GNAL: variants seen among roughly 807,000 people sequenced by gnomAD.
The protein encoded by GNAL is G protein subunit alpha L, also known as guanine nucleotide-binding protein G(olf) subunit alpha.
In GNAL, 18 loss-of-function variants were observed where a neutral mutation model predicts 55.1. The observed-to-expected ratio is 0.33, with a 90% CI of 0.23 to 0.48. GNAL has a LOEUF of 0.48. Among genes scored for constraint, GNAL ranks in the 20% least tolerant of loss-of-function variants. GNAL has a pLI of 0.99. For synonymous variants in GNAL, 253 were observed against 237.0 expected (o/e 1.07, Z -0.62); for missense variants, 412 against 614.1 (o/e 0.67, Z 3.48).
rs561456911 is a variant in GNAL, at chr18:11,715,322, G to A, written c.376+25383G>A. ...AAAAAATACAAAAAATTAGCCAGGC[G>A]TGGTGGTGGGCACCTGTAGTCCCAG... On this transcript the variant is annotated intron_variant, in intron 1 of 11. Coordinates refer to ENST00000334049, the MANE Select transcript of GNAL (RefSeq NM_182978.4). Among the ~76,000 whole-genome samples the A allele has an allele frequency of 8.6e-5, 13 of 151,602 alleles. No homozygotes were observed. The South Asian group carries it at 2.3e-3, about 27-fold the overall frequency.
rs554161591 is a variant in GNAL, at chr18:11,865,895, GTC to G, written c.852-1271_852-1270del. On this transcript the variant is annotated intron_variant, in intron 7 of 11. Coordinates refer to ENST00000334049, the MANE Select transcript of GNAL (RefSeq NM_182978.4). The stretch of plus-strand genomic sequence containing the variant: ...TACCTTGCCCAGTCACCCTCAGCAT[GTC>G]TGACTCGACTCTAAGGGACCTCAAG... 1.2e-3 allele frequency among the ~76,000 whole-genome samples: 184 copies of G among 148,936 alleles called. 17 individuals are homozygous for G. The highest frequency in any genetic ancestry group is 4.6e-3 in the African/African-American group (179 of 38,616).
At chr18:11,869,484 C>G (rs571395733) in intron 9 of GNAL, among the ~76,000 whole-genome samples, 1 of 152,088 alleles carries the variant, frequency 6.6e-6, no homozygotes, top group African/African-American at 2.4e-5. Context: ...AGTTCTTTGT[C>G]AAGAAAATTT....
At chr18:11,775,438 G>A (rs1271942720) in intron 4 of GNAL, among the ~76,000 whole-genome samples, 1 of 152,228 alleles carries the variant, frequency 6.6e-6, no homozygotes, top group Admixed American at 6.5e-5. Flanking sequence ...CCCCCGTGTA[G>A]TAGCCACCAT....
chr18:11,846,436 TATATAA>T (rs1331558816), intron 5 of GNAL, among the ~76,000 whole-genome samples: 1 of 137,900 alleles, frequency 7.3e-6, no homozygotes, highest in South Asian at 2.2e-4. Context: ...CATATATAAA[TATATAA>T]ATATAAATAT....
rs112721587 is a variant in GNAL, at chr18:11,883,656, C to T, written c.*2521C>T. The T allele has an allele frequency of 0.019, 2,894 of 153,030 alleles. 37 individuals carry two copies. The highest frequency in any genetic ancestry group is 0.031 in the Middle Eastern group (9 of 294). 9.5% of individuals were successfully genotyped at this position (153,030 alleles called of 1,614,324 possible). A position where few individuals can be genotyped will look rare whatever the true frequency, so the allele number is the denominator to read the frequency against. On this transcript the variant is annotated 3_prime_UTR_variant, in exon 12 of 12. Transcript: ENST00000334049. ...TTAATTGATCAAGTATAAAAATCTA[C>T]GAAAACAATATGTTCTGCACATCAC... is the stretch of plus-strand genomic sequence containing the variant.
chr18:11,764,792 AAC>A (rs1491339329), intron 4 of GNAL, among the ~76,000 whole-genome samples: 4 of 133,078 alleles, frequency 3.0e-5, no homozygotes, highest in African/African-American at 6.4e-5. Flanking sequence ...ACAAACAAAC[AAC>A]AAAAAAAAGA....
At chr18:11,827,020 G>A (rs991184728) in intron 5 of GNAL, among the ~76,000 whole-genome samples, 1 of 152,168 alleles carries the variant, frequency 6.6e-6, no homozygotes, top group African/African-American at 2.4e-5. Context: ...GGAGTGCCCA[G>A]CAGAGGGCAC....
rs1555650671 is a variant in GNAL, at chr18:11,788,928, T to TAC, written c.624+34984_624+34985insCA. On this transcript the variant is annotated intron_variant, in intron 4 of 11. Coordinates refer to ENST00000334049, the MANE Select transcript of GNAL (RefSeq NM_182978.4). ...AAAAAAAAAAAAATATATATATATA[T>TAC]ATATATATACACATATATATCAAAA... is the stretch of plus-strand genomic sequence containing the variant. 1.1e-3 allele frequency among the ~76,000 whole-genome samples: 121 copies of TAC among 114,904 alleles called. 1 individual carries two copies. Among genetic ancestry groups the TAC allele is most frequent in the Middle Eastern group, 4.6e-3 (1 of 216 alleles). 75.4% of individuals were successfully genotyped at this position (114,904 alleles called of 152,430 possible).
At chr18:11,730,187 T>C (rs1231678345) in intron 1 of GNAL, among the ~76,000 whole-genome samples, 1 of 147,010 alleles carries the variant, frequency 6.8e-6, no homozygotes, top group Non-Finnish European at 1.5e-5. Flanking sequence ...TGAGGCAGAG[T>C]ATCCCTCTGT....
chr18:11,845,840 C>G (rs766421585), intron 5 of GNAL, among the ~76,000 whole-genome samples: 1 of 152,026 alleles, frequency 6.6e-6, no homozygotes, highest in South Asian at 2.1e-4. Context: ...GGGGCCCAGT[C>G]AGCCTTCTCA....
Position 11,692,937 on chromosome 18 carries a change from A to C in GNAL, c.376+2998A>C, listed in dbSNP as rs575136702. On this transcript the variant is annotated intron_variant, in intron 1 of 11. Coordinates refer to ENST00000334049, the MANE Select transcript of GNAL (RefSeq NM_182978.4). ...GCTGGGATTACAGGCATGAGCCACC[A>C]TGCTCTACCTGGAAAGACATTAATT... 1.2e-3 allele frequency among the ~76,000 whole-genome samples: 179 copies of C among 152,270 alleles called. 1 individual carries two copies. The highest frequency in any genetic ancestry group is 4.2e-3 in the African/African-American group (173 of 41,560).
chr18:11,775,295 A>ACCTCAC, intron 4 of GNAL, among the ~76,000 whole-genome samples: 1 of 152,258 alleles, frequency 6.6e-6, no homozygotes, highest in Middle Eastern at 3.4e-3. Flanking sequence ...CAGAGTCCAC[A>ACCTCAC]CCTCACCCAT....
chr18:11,734,397 T>G (rs1223167547), intron 1 of GNAL, among the ~76,000 whole-genome samples: 1 of 152,100 alleles, frequency 6.6e-6, no homozygotes. Flanking sequence ...CGCCTTGGCC[T>G]TCCAGAGTTC....
intron 1 of GNAL, chr18:11,747,214 C>T (rs534363329): frequency 1.3e-5 from 5 of 378,876 alleles, no homozygotes; most frequent in African/African-American, 8.4e-5. Flanking sequence ...GAAATGAGAA[C>T]TCCAAAGATG....
intron 5 of GNAL, among the ~76,000 whole-genome samples, chr18:11,849,370 C>T (rs914593632): frequency 6.6e-6 from 1 of 152,048 alleles, no homozygotes; most frequent in Non-Finnish European, 1.5e-5. Flanking sequence ...GTAGTGCTGG[C>T]GTGTGCCTGT....
chr18:11,810,704 CGTT>C (rs1323740140), intron 4 of GNAL: 1 of 152,392 alleles, frequency 6.6e-6, no homozygotes, highest in Non-Finnish European at 1.5e-5. Flanking sequence ...CTGCATCTCA[CGTT>C]GTTTATGGCA....
At chr18:11,730,129 G>A (rs1474004851) in intron 1 of GNAL, among the ~76,000 whole-genome samples, 1 of 149,898 alleles carries the variant, frequency 6.7e-6, no homozygotes, top group Non-Finnish European at 1.5e-5. Flanking sequence ...TGCCTCCCAG[G>A]TTCACAACAT....
intron 1 of GNAL, among the ~76,000 whole-genome samples, chr18:11,721,975 A>C (rs552442392): frequency 6.6e-6 from 1 of 152,284 alleles, no homozygotes; most frequent in East Asian, 1.9e-4. Flanking sequence ...AAGACAGTTC[A>C]CAGAGGCTAA....
intron 5 of GNAL, among the ~76,000 whole-genome samples, chr18:11,839,726 C>T (rs564064470): frequency 9.9e-5 from 15 of 152,004 alleles, no homozygotes; most frequent in Non-Finnish European, 1.6e-4. Context: ...ATGATTCCAC[C>T]GCAAAAAGGA....
Sources: gnomAD v4.1 joint callset for allele counts (sites outside exome capture counted in the v4.1 genomes callset) on GRCh38, gnomAD v4.1.1 for gene constraint, MANE v1.5 for transcripts, NCBI Gene and HGNC (gene_info 2026-07-23, HGNC 2026-07-21) for gene names.